The following MTDH variants were observed in gnomAD, a reference collection of about 807,000 sequenced individuals.
MTDH encodes the protein protein LYRIC.
A neutral mutation model predicts 72.7 loss-of-function variants in MTDH; 34 were observed. That is an observed-to-expected ratio of 0.47 (90% CI 0.36 to 0.62). MTDH has a LOEUF of 0.62. Among genes scored for constraint, MTDH ranks in the 20% least tolerant of loss-of-function variants. The probability of loss-of-function intolerance (pLI) is 0.00; values close to 1 mark genes in which losing one functional copy is unlikely to be tolerated. For synonymous variants in MTDH, 266 were observed against 268.9 expected, an observed-to-expected ratio of 0.99 and a Z score of 0.10; for missense variants, 677 against 699.4, an observed-to-expected ratio of 0.97 and a Z score of 0.36.
intron 1 of MTDH, among the ~76,000 whole-genome samples, chr8:97,650,147 G>A (rs868560727): frequency 2.7e-4 from 40 of 149,992 alleles, no homozygotes; most frequent in Non-Finnish European, 5.3e-4. Flanking sequence ...TAGTGGAGAT[G>A]GGGTTTCACC....
intron 1 of MTDH, among the ~76,000 whole-genome samples, chr8:97,645,304 A>G (rs774462552): frequency 3.3e-4 from 51 of 152,340 alleles, no homozygotes; most frequent in Admixed American, 9.1e-4. Flanking sequence ...ACAGATGTCT[A>G]TCTCAAGTCA....
intron 11 of MTDH, among the ~76,000 whole-genome samples, 193 bp downstream of exon 11, chr8:97,723,228 C>A (rs959801224): frequency 2.0e-5 from 3 of 151,230 alleles, no homozygotes; most frequent in Admixed American, 1.3e-4. Flanking sequence ...GAAACCCCGT[C>A]TCTACTAAAA....
At chr8:97,644,954 G>T (rs1303915822) in intron 1 of MTDH, 67 bp downstream of exon 1, 15 of 1,458,118 alleles carry the variant, frequency 1.0e-5, no homozygotes, top group Non-Finnish European at 1.4e-5. Flanking sequence ...CGAGCTTGGG[G>T]GAGGCCGCGC....
intron 1 of MTDH, among the ~76,000 whole-genome samples, chr8:97,652,341 AC>A (rs1811806245): frequency 6.6e-6 from 1 of 152,152 alleles, no homozygotes; most frequent in African/African-American, 2.4e-5. Context: ...TATTATTAAC[AC>A]TTTTGGAACA....
intron 1 of MTDH, among the ~76,000 whole-genome samples, chr8:97,650,019 G>A (rs1295589730): frequency 1.3e-5 from 2 of 151,314 alleles, no homozygotes; most frequent in East Asian, 2.0e-4. Flanking sequence ...GCAGTGGTGC[G>A]ATCTCAGCTC....
intron 1 of MTDH, among the ~76,000 whole-genome samples, chr8:97,652,464 G>A (rs1260790238): frequency 6.6e-6 from 1 of 152,082 alleles, no homozygotes; most frequent in Non-Finnish European, 1.5e-5. Context: ...TCTATTTTCT[G>A]TCTCAACCCC....
chr8:97,689,167 T>C, intron 5 of MTDH, 64 bp downstream of exon 5: 1 of 829,302 alleles, frequency 1.2e-6, no homozygotes, highest in Non-Finnish European at 1.9e-6. Context: ...TATACATACC[T>C]CTTTCCTCAA....
intron 6 of MTDH, among the ~76,000 whole-genome samples, chr8:97,693,590 T>A (rs1198072837): frequency 6.6e-6 from 1 of 152,176 alleles, no homozygotes; most frequent in Non-Finnish European, 1.5e-5. Flanking sequence ...CCTCCCAAAG[T>A]ACTGGGATGA....
intron 2 of MTDH, among the ~76,000 whole-genome samples, chr8:97,676,304 A>G (rs922911817): frequency 1.3e-5 from 2 of 152,178 alleles, no homozygotes; most frequent in Non-Finnish European, 2.9e-5. Context: ...GGATGTAGAA[A>G]GTATCTTAAT....
intron 2 of MTDH, among the ~76,000 whole-genome samples, chr8:97,672,438 A>G (rs1812661503): frequency 6.6e-6 from 1 of 152,204 alleles, no homozygotes; most frequent in Admixed American, 6.5e-5. Flanking sequence ...TTATAGTTTC[A>G]TGATTTCTTG....
chr8:97,717,626 C>G (rs1032155741), intron 9 of MTDH, among the ~76,000 whole-genome samples: 1 of 145,462 alleles, frequency 6.9e-6, no homozygotes, highest in Admixed American at 6.9e-5. Context: ...TTTTTATCCC[C>G]CCCCCCCCAA....
intron 2 of MTDH, among the ~76,000 whole-genome samples, chr8:97,662,560 T>C (rs2468022): frequency 0.42 from 63,133 of 150,902 alleles, 14,292 homozygotes; most frequent in East Asian, 0.63. Flanking sequence ...CCAAGGCAGG[T>C]GGATCGCCTG....
At chr8:97,668,722 T>C (rs540275626) in intron 2 of MTDH, among the ~76,000 whole-genome samples, 48 of 152,102 alleles carry the variant, frequency 3.2e-4, no homozygotes, top group African/African-American at 1.2e-3. Flanking sequence ...GCCTGGCTAA[T>C]TTTTGTATTT....
At chr8:97,665,255 GTT>G (rs1302091348) in intron 2 of MTDH, among the ~76,000 whole-genome samples, 2 of 152,116 alleles carry the variant, frequency 1.3e-5, no homozygotes, top group Non-Finnish European at 2.9e-5. Context: ...GTAGATAAAA[GTT>G]TGCCTAGAAA....
rs955547702 is a variant in MTDH at position 97,726,976 on chromosome 8, G to T, written c.*2306G>T. On this transcript the variant is annotated 3_prime_UTR_variant, in exon 12 of 12. Transcript: ENST00000336273. ...CTCCTGTAATCCCAGCTACTCAGGA[G>T]GCTAAGGCAGAGAATCATTTGAACC... The T allele has an allele frequency of 2.0e-5, 3 of 151,744 alleles. No homozygotes were observed. Among genetic ancestry groups the T allele is most frequent in the Non-Finnish European group, 4.4e-5 (3 of 68,006 alleles). The allele number at this position is 151,744 out of a possible 1,614,324, so 9.4% of individuals were successfully genotyped here. A position where few individuals can be genotyped will look rare whatever the true frequency, so the allele number is the denominator to read the frequency against.
intron 5 of MTDH, among the ~76,000 whole-genome samples, chr8:97,689,456 T>C (rs1206121918): frequency 6.7e-6 from 1 of 148,388 alleles, no homozygotes; most frequent in East Asian, 2.0e-4. Flanking sequence ...TACTTGATGC[T>C]TGTATGTTAA....
intron 6 of MTDH, among the ~76,000 whole-genome samples, chr8:97,694,813 C>G (rs1321607102): frequency 6.6e-6 from 1 of 151,904 alleles, no homozygotes; most frequent in Non-Finnish European, 1.5e-5. Context: ...ATCCCAGCTA[C>G]TCGGGAGGCC....
rs945070078 is a variant in MTDH at position 97,722,929 on chromosome 8, A to C, written c.1572A>C (p.Leu524Phe). 6.2e-7 allele frequency: 1 copy of C among 1,614,110 alleles called. No individual in the cohort carries two copies. The highest frequency in any genetic ancestry group is 8.5e-7 in the Non-Finnish European group (1 of 1,179,984). The change falls in exon 11 of 12, where the codon TTA becomes TTC. Residue 524 changes from leucine (L) to phenylalanine (F), a missense_variant. Physicochemically the swap from Leu to Phe is conservative, Grantham distance 22. This residue lies in a region of MTDH where 201 missense variants were observed against 204.5 expected (regional missense o/e 0.98). Coordinates refer to ENST00000336273, the MANE Select transcript of MTDH (RefSeq NM_178812.4). ...CTTCTACCGAGCCATCTGTAATCTTATCAAAAAGTGATTCTGACAAGAGCT... is the reference window on the plus strand; with the variant it reads ...CTTCTACCGAGCCATCTGTAATCTTCTCAAAAAGTGATTCTGACAAGAGCT... The part of the protein sequence containing the change: ...PATSTEPSVI[L>F]SKSDSDKSSS...
rs1813366889 is a variant in MTDH at position 97,686,462 on chromosome 8, G to T, written c.484-206G>T. 2.0e-5 allele frequency among the ~76,000 whole-genome samples: 3 copies of T among 152,102 alleles called. No individual in the cohort carries two copies. The South Asian group carries it at 6.2e-4, about 32-fold the overall frequency. On this transcript the variant is annotated intron_variant, in intron 2 of 11. Coordinates refer to ENST00000336273, the MANE Select transcript of MTDH (RefSeq NM_178812.4). ...TCTTTTAAGGAATAAATAAGAAAAT[G>T]AGTACAGAATACTTAACACATAGTA... is the stretch of plus-strand genomic sequence containing the variant.
Sources: gnomAD v4.1 joint callset for allele counts (sites outside exome capture counted in the v4.1 genomes callset) on GRCh38, gnomAD v4.1.1 for gene constraint, gnomAD v4.1.1 regional missense constraint, MANE v1.5 for transcripts, NCBI Gene and HGNC (gene_info 2026-07-23, HGNC 2026-07-21) for gene names.